MYBPC2: variants seen among roughly 807,000 people sequenced by gnomAD.
MYBPC2 encodes myosin binding protein C2, also known as myosin-binding protein C, fast-type.
MYBPC2 carries 122 observed loss-of-function variants against 137.0 expected under a neutral mutation model. That is an observed-to-expected ratio of 0.89 (90% confidence interval 0.77 to 1.03). The LOEUF is 1.03. MYBPC2 is among the 50% of genes least tolerant of loss of function. MYBPC2 has a pLI of 0.00. For missense variants in MYBPC2, 1,500 were observed against 1,534.4 expected, an observed-to-expected ratio of 0.98 and a Z score of 0.37; for synonymous variants, 626 against 612.3, an observed-to-expected ratio of 1.02 and a Z score of -0.33.
chr19:50,457,820 C>G (rs952027733), intron 20 of MYBPC2, among the ~76,000 whole-genome samples: 5 of 151,276 alleles, frequency 3.3e-5, no homozygotes, highest in African/African-American at 1.2e-4. Flanking sequence ...GCTGGGATTA[C>G]AGGTGCCTGC....
At chr19:50,442,371 C>G in intron 9 of MYBPC2, 58 bp downstream of exon 9, 1 of 1,574,378 alleles carries the variant, frequency 6.4e-7, no homozygotes, top group Non-Finnish European at 8.6e-7. Flanking sequence ...AGAGAACGCC[C>G]GGAGACAAGG....
intron 7 of MYBPC2, among the ~76,000 whole-genome samples, chr19:50,439,146 C>T: frequency 7.6e-6 from 1 of 132,054 alleles, no homozygotes; most frequent in Non-Finnish European, 1.6e-5. Flanking sequence ...CCTGTCTTCC[C>T]CCAACCCATC....
intron 14 of MYBPC2, 146 bp downstream of exon 14, chr19:50,451,081 A>C (rs1392011406): frequency 2.0e-6 from 2 of 1,017,748 alleles, no homozygotes; most frequent in Non-Finnish European, 2.9e-6. Flanking sequence ...GGCTGGAGTC[A>C]GAAGATGGAG....
In MYBPC2 at chr19:50,436,662, C is replaced by T. The variant is rs375154247; in HGVS notation, c.391C>T (p.Arg131Cys). Residue 131 changes from arginine (R) to cysteine (C), a missense_variant, in exon 5 of 28, where the codon CGT becomes TGT. Transcript: ENST00000357701. ...LHIGKVVLGD[R>C]GYYRLEVKAK... ...CATTGGGAAGGTGGTACTGGGGGAC[C>T]GTGGGTATTACCGCCTCGAGGTCAA... is the stretch of plus-strand genomic sequence containing the variant. The T allele has an allele frequency of 3.5e-5, 56 of 1,613,794 alleles. No individual in the cohort carries two copies. In the African/African-American group the frequency reaches 4.3e-4, roughly 12 times the overall value.
intron 26 of MYBPC2, 195 bp from the exon 27 acceptor site, chr19:50,464,151 T>C: frequency 1.9e-6 from 1 of 539,224 alleles, no homozygotes; most frequent in Non-Finnish European, 3.3e-6. Context: ...ACCCCACCGT[T>C]ACCCTGTGAA....
At position 50,455,558 on chromosome 19, in the gene MYBPC2, C is replaced by A. The variant is rs2039901787; in HGVS notation, c.2252C>A (p.Thr751Asn). The change falls in exon 20 of 28, where the codon ACC becomes AAC. Residue 751 changes from threonine (T) to asparagine (N), a missense_variant. Transcript: ENST00000357701. ...CTGATAGTGGAGGATGTGACAGACA[C>A]CACCACCACACTCAAGTGGAGGCCT... is the stretch of plus-strand genomic sequence containing the variant. Reference protein sequence around the residue: ...LHLIVEDVTDTTTTLKWRPPN... With the variant: ...LHLIVEDVTDNTTTLKWRPPN... 6.2e-7 allele frequency: 1 copy of A among 1,613,814 alleles called. No homozygotes were observed. The highest frequency in any genetic ancestry group is 1.1e-5 in the South Asian group (1 of 91,074).
intron 11 of MYBPC2, among the ~76,000 whole-genome samples, chr19:50,445,088 TA>T (rs2039791957): frequency 6.6e-6 from 1 of 152,016 alleles, no homozygotes; most frequent in Non-Finnish European, 1.5e-5. Context: ...ATGGATGTTG[TA>T]ATAGCTTCCT....
At chr19:50,458,234 T>G (rs373409501) in intron 20 of MYBPC2, among the ~76,000 whole-genome samples, 1 of 147,176 alleles carries the variant, frequency 6.8e-6, no homozygotes, top group Non-Finnish European at 1.5e-5. Flanking sequence ...TACTTGAACC[T>G]GGGAGGCGGA....
At chr19:50,433,446 C>T (rs1421016130) in intron 1 of MYBPC2, among the ~76,000 whole-genome samples, 1 of 151,606 alleles carries the variant, frequency 6.6e-6, no homozygotes, top group Non-Finnish European at 1.5e-5. Flanking sequence ...GCTCTGCCCC[C>T]GGGGCTGGAC....
At chr19:50,439,916 G>A (rs2039735949) in intron 7 of MYBPC2, among the ~76,000 whole-genome samples, 1 of 152,226 alleles carries the variant, frequency 6.6e-6, no homozygotes, top group Non-Finnish European at 1.5e-5. Context: ...AGGTCTTGTA[G>A]GATGAAGAGG....
intron 7 of MYBPC2, among the ~76,000 whole-genome samples, chr19:50,440,327 T>TA (rs113057519): frequency 7.2e-4 from 86 of 119,062 alleles, no homozygotes; most frequent in Admixed American, 1.3e-3. Flanking sequence ...GGAAATAAAA[T>TA]AAATAAATAA....
At chr19:50,442,096 G>A (rs1225114025) in intron 8 of MYBPC2, 85 bp from the exon 9 acceptor site, 2 of 1,486,210 alleles carry the variant, frequency 1.3e-6, no homozygotes, top group Non-Finnish European at 1.8e-6. Flanking sequence ...CCCAGGGCCT[G>A]GGGAGGGAGA....
At chr19:50,436,556 G>T in intron 4 of MYBPC2, 61 bp from the exon 5 acceptor site, 1 of 1,418,756 alleles carries the variant, frequency 7.0e-7, no homozygotes, top group South Asian at 1.2e-5. Context: ...TGGACTCTGA[G>T]GAATATGGGG....
rs767005304 is a variant in MYBPC2 at position 50,459,242 on chromosome 19, G to A, written c.2727G>A (p.Glu909=). Reference sequence around the variant, plus strand: ...AGGCGGCCCGCTCCGACTCCGGGGAGTACGAGCTGAGCGTGCAGATCGAGA... The same window carrying A: ...AGGCGGCCCGCTCCGACTCCGGGGAATACGAGCTGAGCGTGCAGATCGAGA... ...VRQAARSDSG[E]YELSVQIENM... The change falls in exon 23 of 28, where the codon GAG becomes GAA. Residue 909 remains glutamate (E), a synonymous_variant. Coordinates refer to ENST00000357701, the MANE Select transcript of MYBPC2 (RefSeq NM_004533.4). The A allele has an allele frequency of 4.3e-6, 7 of 1,611,420 alleles. No individual in the cohort carries two copies. Among genetic ancestry groups the A allele is most frequent in the South Asian group, 3.3e-5 (3 of 91,018 alleles).
In MYBPC2 at chr19:50,448,346, C is replaced by T. The variant is rs372713951; in HGVS notation, c.1428C>T (p.Val476=). The T allele has an allele frequency of 2.1e-5, 34 of 1,613,666 alleles. No homozygotes were observed. Among genetic ancestry groups the T allele is most frequent in the South Asian group, 1.2e-4 (11 of 91,060 alleles). The change falls in exon 13 of 28, where the codon GTC becomes GTT. Residue 476 remains valine, a synonymous_variant. Transcript: ENST00000357701. ...CGGGCAAGTGGTATAAGAATGGGGTCGAGGTGCGGCCCAGCAAGAGGATCA... is the reference window on the plus strand; with the variant it reads ...CGGGCAAGTGGTATAAGAATGGGGTTGAGGTGCGGCCCAGCAAGAGGATCA... ...KVTGKWYKNG[V]EVRPSKRITI...
At chr19:50,455,384 C>T (rs2039899971) in intron 19 of MYBPC2, 88 bp downstream of exon 19, 3 of 1,559,416 alleles carry the variant, frequency 1.9e-6, no homozygotes, top group Admixed American at 3.5e-5. Context: ...CATCTTTTGC[C>T]CGCCATCAAT....
intron 8 of MYBPC2, 57 bp downstream of exon 8, chr19:50,441,133 G>A (rs1375550460): frequency 6.7e-7 from 1 of 1,485,818 alleles, no homozygotes; most frequent in African/African-American, 1.4e-5. Context: ...CTAGCCTTGT[G>A]GGTGTCTAAT....
rs528636239 is a variant in MYBPC2, at chr19:50,443,392, A to T, written c.903-102A>T. 1.0e-3 allele frequency: 595 copies of T among 570,896 alleles called. 2 individuals carry two copies. In the African/African-American group the frequency reaches 0.011, roughly 10 times the overall value. 35.4% of individuals were successfully genotyped at this position (570,896 alleles called of 1,614,324 possible). A position where few individuals can be genotyped will look rare whatever the true frequency, so the allele number is the denominator to read the frequency against. The stretch of plus-strand genomic sequence containing the variant: ...TCCCTTTCCACACAATTTGGCTCTG[A>T]GAGAGAGAGAGAGAGACTTGCCTTG... On this transcript the variant is annotated intron_variant, in intron 9 of 27. Coordinates refer to ENST00000357701, the MANE Select transcript of MYBPC2 (RefSeq NM_004533.4).
chr19:50,462,047 AG>A lies in MYBPC2; in HGVS notation c.3228+14del, dbSNP rs1568670256. 1 of 1,569,542 alleles carries A rather than the reference AG, an allele frequency of 6.4e-7. No homozygotes were observed. The highest frequency in any genetic ancestry group is 1.2e-5 in the South Asian group (1 of 85,228). On this transcript the variant is annotated intron_variant, in intron 26 of 27. Transcript: ENST00000357701. Reference sequence around the variant, plus strand: ...AGAGGCCACCCGAAGGTGCCAGGGCAGGGACCCAGATCTGCGTGTGTGTTGC... The same window carrying A: ...AGAGGCCACCCGAAGGTGCCAGGGCAGGACCCAGATCTGCGTGTGTGTTGC...
Sources: allele counts gnomAD v4.1 joint callset (sites outside exome capture counted in the v4.1 genomes callset), GRCh38; gene constraint gnomAD v4.1.1; transcripts MANE v1.5; gene names NCBI Gene and HGNC (gene_info 2026-07-23, HGNC 2026-07-21).